The following PDE8B variants were observed in gnomAD, a reference collection of about 807,000 sequenced individuals.
PDE8B encodes high affinity cAMP-specific and IBMX-insensitive 3',5'-cyclic phosphodiesterase 8B.
A neutral mutation model predicts 101.3 loss-of-function variants in PDE8B; 26 were observed. The observed-to-expected ratio is 0.26, with a 90% CI of 0.19 to 0.36. PDE8B has a LOEUF of 0.36. PDE8B is among the 10% of genes least tolerant of loss of function. The probability of loss-of-function intolerance (pLI) is 1.00; values close to 1 mark genes in which losing one functional copy is unlikely to be tolerated. For missense variants in PDE8B, 810 were observed against 1,163.1 expected (o/e 0.70, Z 4.42); for synonymous variants, 424 against 429.3 (o/e 0.99, Z 0.15).
intron 2 of PDE8B, among the ~76,000 whole-genome samples, chr5:77,316,742 T>A (rs1773844591): frequency 6.6e-6 from 1 of 152,210 alleles, no homozygotes. Context: ...ATTTTTGATA[T>A]GTGCTCATAA....
chr5:77,101,775 CAT>C, the PDE8B span, among the ~76,000 whole-genome samples: 1 of 152,182 alleles, frequency 6.6e-6, no homozygotes, highest in Admixed American at 6.5e-5. Context: ...CCACTAAAAA[CAT>C]ATACTGTGTA....
At chr5:77,368,644 T>C (rs1364796829) in intron 10 of PDE8B, among the ~76,000 whole-genome samples, 2 of 152,188 alleles carry the variant, frequency 1.3e-5, no homozygotes, top group Non-Finnish European at 2.9e-5. Context: ...GACCTCTTCT[T>C]TCCCCAAGGG....
At chr5:77,255,781 C>G (rs990052461) in intron 1 of PDE8B, among the ~76,000 whole-genome samples, 2 of 152,244 alleles carry the variant, frequency 1.3e-5, no homozygotes, top group Non-Finnish European at 2.9e-5. Context: ...ATGGTACATT[C>G]AGCCAGCAAC....
At chr5:77,327,327 ACCGGTT>A (rs1489617541) in intron 3 of PDE8B, among the ~76,000 whole-genome samples, 2 of 152,094 alleles carry the variant, frequency 1.3e-5, no homozygotes, top group Non-Finnish European at 2.9e-5. Context: ...CTCTTACCAT[ACCGGTT>A]CCTTTGGAGA....
upstream of PDE8B, among the ~76,000 whole-genome samples, chr5:77,206,738 C>A (rs1424372488): frequency 2.0e-5 from 3 of 152,164 alleles, no homozygotes; most frequent in Non-Finnish European, 2.9e-5. Flanking sequence ...TTTGAAAGGA[C>A]AGATGCTGGA....
intron 1 of PDE8B, among the ~76,000 whole-genome samples, chr5:77,285,932 TTGTTC>T (rs1452337276): frequency 6.6e-6 from 1 of 152,216 alleles, no homozygotes; most frequent in Non-Finnish European, 1.5e-5. Flanking sequence ...AAATTCTCAT[TTGTTC>T]TTACGTTTTC....
intron 21 of PDE8B, 40 bp from the exon 22 acceptor site, chr5:77,426,404 TA>T: frequency 1.5e-6 from 2 of 1,356,026 alleles, no homozygotes; most frequent in Non-Finnish European, 2.1e-6. Context: ...TCCTGGGGTC[TA>T]AGTTCACCGG....
rs143266225 is a variant in PDE8B, at chr5:77,258,731, C to T, written c.339+47467C>T. On this transcript the variant is annotated intron_variant, in intron 1 of 21. Coordinates refer to ENST00000264917, the MANE Select transcript of PDE8B (RefSeq NM_003719.5). ...CAGTTATTAAAAAGTTCAGTCTGATCTTAATCAAAACTCCCATCTCCCATT... is the reference window on the plus strand; with the variant it reads ...CAGTTATTAAAAAGTTCAGTCTGATTTTAATCAAAACTCCCATCTCCCATT... 5.9e-5 allele frequency among the ~76,000 whole-genome samples: 9 copies of T among 152,232 alleles called. No individual in the cohort carries two copies. In the East Asian group the frequency reaches 9.7e-4, roughly 16 times the overall value.
chr5:77,338,977 G>A (rs1275847746), intron 6 of PDE8B, among the ~76,000 whole-genome samples: 1 of 152,188 alleles, frequency 6.6e-6, no homozygotes, highest in Non-Finnish European at 1.5e-5. Context: ...GCACTGGGGG[G>A]CTGTCCCAGG....
the PDE8B span, among the ~76,000 whole-genome samples, chr5:77,132,809 A>G: frequency 1.3e-5 from 2 of 152,218 alleles, no homozygotes; most frequent in African/African-American, 4.8e-5. Flanking sequence ...TTCTAAGGAA[A>G]GGTCTATGGG....
chr5:77,392,623 G>C (rs1232229438), intron 10 of PDE8B, among the ~76,000 whole-genome samples: 1 of 152,172 alleles, frequency 6.6e-6, no homozygotes, highest in African/African-American at 2.4e-5. Context: ...TTATTCAGAA[G>C]ACAGCATGGC....
upstream of PDE8B, among the ~76,000 whole-genome samples, chr5:77,206,364 A>G (rs1747501687): frequency 6.6e-6 from 1 of 152,232 alleles, no homozygotes; most frequent in Non-Finnish European, 1.5e-5. Flanking sequence ...GCTATGAAAT[A>G]AGAAAAATAG....
chr5:77,411,594 T>A, intron 14 of PDE8B, 82 bp from the exon 15 acceptor site: 1 of 1,165,470 alleles, frequency 8.6e-7, no homozygotes, highest in Non-Finnish European at 1.3e-6. Flanking sequence ...AGGATTCAAA[T>A]CTCTTTCACT....
intron 17 of PDE8B, among the ~76,000 whole-genome samples, chr5:77,415,823 A>G (rs188240132): frequency 6.6e-6 from 1 of 152,346 alleles, no homozygotes; most frequent in East Asian, 1.9e-4. Flanking sequence ...GATAACAAGC[A>G]TTCCTTTATT....
chr5:77,403,536 T>G (rs1031472745), intron 11 of PDE8B, among the ~76,000 whole-genome samples: 2 of 152,134 alleles, frequency 1.3e-5, no homozygotes, highest in Non-Finnish European at 2.9e-5. Flanking sequence ...TTTAAAAGCC[T>G]TCCCTATCCA....
the PDE8B span, chr5:77,087,037 G>A: frequency 6.6e-6 from 1 of 152,244 alleles, no homozygotes; most frequent in African/African-American, 2.4e-5. Flanking sequence ...GGGCGTCCGC[G>A]GTCGCTGCTC....
chr5:77,122,896 C>T, the PDE8B span, among the ~76,000 whole-genome samples: 69 of 152,052 alleles, frequency 4.5e-4, no homozygotes, highest in Non-Finnish European at 7.8e-4. Context: ...GAAAAGGAAA[C>T]GAAAGGGGCA....
the PDE8B span, chr5:77,087,501 ATGTCACAAGTTATT>A: frequency 6.6e-6 from 1 of 152,346 alleles, no homozygotes; most frequent in African/African-American, 2.4e-5. Flanking sequence ...TAGGCGCATG[ATGTCACAAGTTATT>A]GGAAGAAATC....
chr5:77,186,727 G>A, the PDE8B span, among the ~76,000 whole-genome samples: 1 of 152,136 alleles, frequency 6.6e-6, no homozygotes, highest in African/African-American at 2.4e-5. Context: ...GAATCCAGAA[G>A]GAAACCAAAG....
Sources: allele counts gnomAD v4.1 joint callset (sites outside exome capture counted in the v4.1 genomes callset), GRCh38; gene constraint gnomAD v4.1.1; transcripts MANE v1.5; gene names NCBI Gene and HGNC (gene_info 2026-07-23, HGNC 2026-07-21).